Variants in CSNK1E observed in about 807,000 individuals in gnomAD.
The protein encoded by CSNK1E is casein kinase I isoform epsilon.
In CSNK1E, 17 loss-of-function variants were observed where a neutral mutation model predicts 46.1. That is an observed-to-expected ratio of 0.37 (90% CI 0.25 to 0.55). The LOEUF is 0.55. Ranked by LOEUF, CSNK1E falls within the 20% of genes least tolerant of loss-of-function variation. The pLI is 0.82. For missense variants in CSNK1E, 386 were observed against 595.4 expected (o/e 0.65, Z 3.66); for synonymous variants, 241 against 242.6 (o/e 0.99, Z 0.06).
At chr22:38,307,969 C>T (rs2092705608) in intron 2 of CSNK1E, among the ~76,000 whole-genome samples, 2 of 152,186 alleles carry the variant, frequency 1.3e-5, no homozygotes, top group South Asian at 2.1e-4. Flanking sequence ...GAATTACAGG[C>T]ATGAGCCACT....
rs1204691610 is a variant in CSNK1E at position 38,298,497 on chromosome 22, C to T, written c.885+289G>A. 4.6e-6 allele frequency: 2 copies of T among 431,292 alleles called. No homozygotes were observed. Among genetic ancestry groups the T allele is most frequent in the East Asian group, 9.9e-5 (2 of 20,134 alleles). 26.7% of individuals were successfully genotyped at this position (431,292 alleles called of 1,614,324 possible). A position where few individuals can be genotyped will look rare whatever the true frequency, so the allele number is the denominator to read the frequency against. ...AGGGCAGCAGGGGGCGCCGCCAGCACCACCCATGCCCTGCTGCGGGCACCC... is the reference window on the plus strand; with the variant it reads ...AGGGCAGCAGGGGGCGCCGCCAGCATCACCCATGCCCTGCTGCGGGCACCC... On this transcript the variant is annotated intron_variant, in intron 7 of 10. Coordinates refer to ENST00000396832, the MANE Select transcript of CSNK1E (RefSeq NM_152221.3). The surrounding 1 kb of genome is among the most constrained non-coding windows in gnomAD (Gnocchi z 4.2).
Position 38,298,258 on chromosome 22 carries a change from T to A in CSNK1E, c.885+528A>T. Reference sequence around the variant, plus strand: ...TACAATTTCACAGATTCCAGAGCTCTGGGTACGGCCGGCCAATGCTGCTCC... The same window carrying A: ...TACAATTTCACAGATTCCAGAGCTCAGGGTACGGCCGGCCAATGCTGCTCC... On this transcript the variant is annotated intron_variant, in intron 7 of 10. Coordinates refer to ENST00000396832, the MANE Select transcript of CSNK1E (RefSeq NM_152221.3). The surrounding 1 kb of genome is among the most constrained non-coding windows in gnomAD (Gnocchi z 4.2). The A allele has an allele frequency of 7.8e-7, 1 of 1,274,272 alleles. No homozygotes were observed. The highest frequency in any genetic ancestry group is 1.0e-6 in the Non-Finnish European group (1 of 968,416). 78.9% of individuals were successfully genotyped at this position (1,274,272 alleles called of 1,614,324 possible). A position where few individuals can be genotyped will look rare whatever the true frequency, so the allele number is the denominator to read the frequency against.
rs1409771030 is a variant in CSNK1E at position 38,294,998 on chromosome 22, A to G, written c.886-464T>C. 2.6e-5 allele frequency among the ~76,000 whole-genome samples: 4 copies of G among 152,222 alleles called. No homozygotes were observed. The highest frequency in any genetic ancestry group is 4.4e-5 in the Non-Finnish European group (3 of 68,032). On this transcript the variant is annotated intron_variant, in intron 7 of 10. Coordinates refer to ENST00000396832, the MANE Select transcript of CSNK1E (RefSeq NM_152221.3). The surrounding 1 kb of genome is among the most constrained non-coding windows in gnomAD (Gnocchi z 5.5). ...TCCAGAGGGGGAAAAGAACAGGCCC[A>G]GAGTCACAAAACTAGTGGAAGGCTG...
rs567499962 is a variant in CSNK1E, at chr22:38,297,998, C to A, written c.885+788G>T. The A allele has an allele frequency of 1.1e-4, 129 of 1,141,732 alleles. No homozygotes were observed. The African/African-American group carries it at 2.0e-3, about 18-fold the overall frequency. 70.7% of individuals were successfully genotyped at this position (1,141,732 alleles called of 1,614,324 possible). A position where few individuals can be genotyped will look rare whatever the true frequency, so the allele number is the denominator to read the frequency against. ...TCTGGGTGCCCAGGGGAGCCGGGCA[C>A]CTGAAAGGGACAAAAAGCACAGCTG... On this transcript the variant is annotated intron_variant, in intron 7 of 10. Coordinates refer to ENST00000396832, the MANE Select transcript of CSNK1E (RefSeq NM_152221.3).
rs1346863887 is a variant in CSNK1E, at chr22:38,296,782, A to G, written c.885+2004T>C. ...GATGTCCACAGAACGTTCTGGATGAAGGAAATGGTCCCATCTGCCTTGCCG... is the reference window on the plus strand; with the variant it reads ...GATGTCCACAGAACGTTCTGGATGAGGGAAATGGTCCCATCTGCCTTGCCG... On this transcript the variant is annotated intron_variant, in intron 7 of 10. Transcript: ENST00000396832. 2.1e-5 allele frequency: 31 copies of G among 1,467,680 alleles called. No homozygotes were observed. In the East Asian group the frequency reaches 7.1e-4, roughly 33 times the overall value. 90.9% of individuals were successfully genotyped at this position (1,467,680 alleles called of 1,614,324 possible). A position where few individuals can be genotyped will look rare whatever the true frequency, so the allele number is the denominator to read the frequency against.
At position 38,303,902 on chromosome 22, in the gene CSNK1E, T is replaced by C. The variant is rs1035852573; in HGVS notation, c.77-654A>G. 1.3e-5 allele frequency among the ~76,000 whole-genome samples: 2 copies of C among 152,146 alleles called. No individual in the cohort carries two copies. Among genetic ancestry groups the C allele is most frequent in the African/African-American group, 2.4e-5 (1 of 41,430 alleles). Reference sequence around the variant, plus strand: ...ACCCCGGCTCTGCTGGCCTCCAGCATAGGTCAGAGGTCCTGCCTGCACCTC... The same window carrying C: ...ACCCCGGCTCTGCTGGCCTCCAGCACAGGTCAGAGGTCCTGCCTGCACCTC... On this transcript the variant is annotated intron_variant, in intron 2 of 10. Transcript: ENST00000396832. This position sits in a 1 kb window ranked among gnomAD's most constrained non-coding sequence, Gnocchi z 4.7.
At chr22:38,296,523 G>A (rs1009142648) in intron 7 of CSNK1E, 39 of 1,600,042 alleles carry the variant, frequency 2.4e-5, no homozygotes, top group Admixed American at 1.4e-4. Flanking sequence ...GGGACTGCTG[G>A]AGGTGGTTCA....
At chr22:38,293,784 C>T (rs564891037) in intron 9 of CSNK1E, 13 of 429,268 alleles carry the variant, frequency 3.0e-5, no homozygotes, top group Admixed American at 2.6e-4. Context: ...CCTGGGGGCT[C>T]CCTGATGTCA....
At position 38,300,130 on chromosome 22, in the gene CSNK1E, G is replaced by A. The variant is rs554808914; in HGVS notation, c.566-65C>T. The A allele has an allele frequency of 4.9e-5, 74 of 1,513,724 alleles. No homozygotes were observed. In the African/African-American group the frequency reaches 9.2e-4, roughly 19 times the overall value. The allele number at this position is 1,513,724 out of a possible 1,614,324, so 93.8% of individuals were successfully genotyped here. A position where few individuals can be genotyped will look rare whatever the true frequency, so the allele number is the denominator to read the frequency against. On this transcript the variant is annotated intron_variant, in intron 5 of 10. Coordinates refer to ENST00000396832, the MANE Select transcript of CSNK1E (RefSeq NM_152221.3). This position sits in a 1 kb window ranked among gnomAD's most constrained non-coding sequence, Gnocchi z 4.4. ...CACTCAGGCCCCTAACTCATCCTCT[G>A]GGTCATGCTCCTCACAATGCACCAG... is the stretch of plus-strand genomic sequence containing the variant.
rs866287824 is a variant in CSNK1E, at chr22:38,294,388, G to A, written c.1032C>T (p.Ala344=). 88 of 1,556,838 alleles carry A rather than the reference G, an allele frequency of 5.7e-5. No homozygotes were observed. The Middle Eastern group carries it at 3.3e-3, about 59-fold the overall frequency. The change falls in exon 8 of 11, where the codon GCC becomes GCT. Residue 344 remains alanine, a synonymous_variant. Transcript: ENST00000396832. The surrounding 1 kb of genome is among the most constrained non-coding windows in gnomAD (Gnocchi z 5.5). ...TGATANRLRS[A]AEPVASTPAS... is the part of the protein sequence containing the mutation. The stretch of plus-strand genomic sequence containing the variant: ...CTGGCGTGGAAGCCACGGGCTCGGC[G>A]GCACTGCGGAGCCGGTTGGCAGTGG...
rs571072963 is a variant in CSNK1E at position 38,294,733 on chromosome 22, G to T, written c.886-199C>A. On this transcript the variant is annotated intron_variant, in intron 7 of 10. Coordinates refer to ENST00000396832, the MANE Select transcript of CSNK1E (RefSeq NM_152221.3). This position sits in a 1 kb window ranked among gnomAD's most constrained non-coding sequence, Gnocchi z 5.5. Reference sequence around the variant, plus strand: ...GACACGAAGCCACACAACCACCAGAGGAAGGAGAAAGCAGGAGTCTGGGGG... The same window carrying T: ...GACACGAAGCCACACAACCACCAGATGAAGGAGAAAGCAGGAGTCTGGGGG... Among the ~76,000 whole-genome samples, 1 of 152,150 alleles carries T rather than the reference G, an allele frequency of 6.6e-6. No individual in the cohort carries two copies. Among genetic ancestry groups the T allele is most frequent in the African/African-American group, 2.4e-5 (1 of 41,432 alleles).
At chr22:38,302,332 C>T (rs28657684) in intron 4 of CSNK1E, among the ~76,000 whole-genome samples, 1 of 152,118 alleles carries the variant, frequency 6.6e-6, no homozygotes, top group Non-Finnish European at 1.5e-5. Flanking sequence ...ACAGTGAGAC[C>T]CCCATCTCTA....
chr22:38,293,756 C>A, intron 9 of CSNK1E: 1 of 389,022 alleles, frequency 2.6e-6, no homozygotes, highest in East Asian at 4.5e-5. Flanking sequence ...CATGCTCTTG[C>A]CAATGCTCAC....
At chr22:38,314,306 G>A in intron 1 of CSNK1E, 137 bp from the exon 2 acceptor site, 1 of 656,538 alleles carries the variant, frequency 1.5e-6, no homozygotes, top group South Asian at 1.7e-5. Context: ...GTGTCAGGTG[G>A]CCCACAGCCT....
chr22:38,299,857 G>A (rs2092661662), intron 6 of CSNK1E, 38 bp downstream of exon 6: 16 of 1,603,636 alleles, frequency 1.0e-5, no homozygotes, highest in Non-Finnish European at 1.3e-5. Flanking sequence ...AGTGCCTCAG[G>A]GGCCCCCAGG....
intron 2 of CSNK1E, among the ~76,000 whole-genome samples, chr22:38,308,593 G>A (rs1263813806): frequency 6.6e-6 from 1 of 152,120 alleles, no homozygotes; most frequent in Non-Finnish European, 1.5e-5. Context: ...TGTTCTGACA[G>A]ACAAACATGC....
At chr22:38,293,705 CAT>C (rs1207603207) in intron 9 of CSNK1E, among the ~76,000 whole-genome samples, 14 of 152,270 alleles carry the variant, frequency 9.2e-5, no homozygotes, top group Non-Finnish European at 1.9e-4. Flanking sequence ...CCCATCCAAA[CAT>C]AGCCCCAAAG....
chr22:38,302,886 G>A lies in CSNK1E; in HGVS notation c.311C>T (p.Thr104Met), dbSNP rs2092680551. ...NFCSRKFSLK[T>M]VLLLADQMIS... ...CATCTGGTCGGCCAAGAGCAGCACC[G>A]TCTTGAGGCTGAATTTGCGGGAACA... is the stretch of plus-strand genomic sequence containing the variant. The change falls in exon 4 of 11, where the codon ACG becomes ATG. Residue 104 changes from threonine to methionine, a missense_variant. By Grantham distance (81) the Thr-to-Met change is moderately conservative (BLOSUM62 -1). Transcript: ENST00000396832. The A allele has an allele frequency of 2.5e-6, 4 of 1,614,138 alleles. No individual in the cohort carries two copies. The highest frequency in any genetic ancestry group is 3.4e-6 in the Non-Finnish European group (4 of 1,180,024).
intron 7 of CSNK1E, chr22:38,297,966 G>A (rs1007178572): frequency 1.9e-5 from 22 of 1,135,848 alleles, no homozygotes; most frequent in Non-Finnish European, 2.2e-5. Flanking sequence ...CGGCCTATCT[G>A]GGGGGCTCTG....
Sources: gnomAD v4.1 joint callset for allele counts (sites outside exome capture counted in the v4.1 genomes callset) on GRCh38, gnomAD v4.1.1 for gene constraint, Gnocchi (gnomAD v3.1) non-coding constraint, MANE v1.5 for transcripts, NCBI Gene and HGNC (gene_info 2026-07-23, HGNC 2026-07-21) for gene names.